Variants in GRAMD1C observed in about 807,000 individuals in gnomAD.
GRAMD1C encodes GRAM domain containing 1C, also known as protein Aster-C.
GRAMD1C carries 89 observed loss-of-function variants against 97.8 expected under a neutral mutation model. The ratio of observed to expected loss-of-function variants is 0.91; its 90% CI spans 0.77 to 1.09. The LOEUF is 1.09. Ranked by LOEUF, GRAMD1C falls within the 50% of genes least tolerant of loss-of-function variation. The pLI is 0.00. For missense variants in GRAMD1C, 740 were observed against 766.4 expected, an observed-to-expected ratio of 0.97 and a Z score of 0.41; for synonymous variants, 256 against 267.0, an observed-to-expected ratio of 0.96 and a Z score of 0.40.
At position 113,909,065 on chromosome 3, in the gene GRAMD1C, TA is replaced by T; in HGVS notation, c.902del (p.Asn301MetfsTer62). ...RVPSKSLDLNKNEYLSLDKSS... is the reference protein window; with the variant it reads ...RVPSKSLDLNXNEYLSLDKSS... ...TGCCATCAAAGTCACTGGACTTGAA[TA>T]AAAATGAATATCTTTCTCTGGACAA... is the stretch of plus-strand genomic sequence containing the variant. On this transcript the variant is annotated frameshift_variant, in exon 9 of 18. Coordinates refer to ENST00000358160, the MANE Select transcript of GRAMD1C (RefSeq NM_017577.5). LOFTEE classifies it high-confidence loss of function. The T allele has an allele frequency of 6.4e-7, 1 of 1,561,912 alleles. No homozygotes were observed. Among genetic ancestry groups the T allele is most frequent in the Non-Finnish European group, 8.7e-7 (1 of 1,153,490 alleles).
chr3:113,832,523 G>A (rs902249667), intron 1 of GRAMD1C, among the ~76,000 whole-genome samples: 1 of 151,992 alleles, frequency 6.6e-6, no homozygotes, highest in Non-Finnish European at 1.5e-5. Flanking sequence ...CATTTATATT[G>A]TGTAATGATC....
intron 5 of GRAMD1C, among the ~76,000 whole-genome samples, chr3:113,876,904 CAGGG>C (rs1309770446): frequency 6.6e-6 from 1 of 151,106 alleles, no homozygotes; most frequent in Admixed American, 6.6e-5. Flanking sequence ...GAAAAAGAGA[CAGGG>C]AGAGTTTTGG....
At chr3:113,923,491 G>A (rs1481025222) in intron 10 of GRAMD1C, among the ~76,000 whole-genome samples, 1 of 152,050 alleles carries the variant, frequency 6.6e-6, no homozygotes, top group East Asian at 1.9e-4. Flanking sequence ...ATGTTGAATT[G>A]TATTGAAAGC....
chr3:113,875,687 A>G (rs1281060139), intron 4 of GRAMD1C, 100 bp downstream of exon 4: 6 of 647,310 alleles, frequency 9.3e-6, no homozygotes, highest in Non-Finnish European at 1.7e-5. Flanking sequence ...AAGTAAATTT[A>G]TATATATTTG....
At chr3:113,931,720 C>T (rs1048705414) in intron 11 of GRAMD1C, among the ~76,000 whole-genome samples, 8 of 151,994 alleles carry the variant, frequency 5.3e-5, no homozygotes, top group Admixed American at 4.6e-4. Context: ...CTTGAGACCA[C>T]GAGTTTGAGA....
chr3:113,836,326 C>A (rs1458498183), upstream of GRAMD1C, among the ~76,000 whole-genome samples: 2 of 152,144 alleles, frequency 1.3e-5, no homozygotes, highest in Non-Finnish European at 2.9e-5. Context: ...TTTTGTGGAA[C>A]TGGATTCAAC....
In GRAMD1C at chr3:113,838,920, C is replaced by A. The variant is rs745706641; in HGVS notation, c.11C>A (p.Ala4Asp). 8.4e-7 allele frequency: 1 copy of A among 1,196,188 alleles called. No homozygotes were observed. Among genetic ancestry groups the A allele is most frequent in the Non-Finnish European group, 1.0e-6 (1 of 975,144 alleles). The allele number at this position is 1,196,188 out of a possible 1,614,324, so 74.1% of individuals were successfully genotyped here. Residue 4 changes from alanine (A) to aspartate (D), a missense_variant, in exon 1 of 18, where the codon GCT becomes GAT. Transcript: ENST00000358160. ...GCGGAGGGAGCCGCGATGGAGGGCG[C>A]TCCGACTGTCCGTCAGGTAAGCCGC... MEG[A>D]PTVRQVMNEG...
At chr3:113,893,628 G>A (rs1441842026) in intron 6 of GRAMD1C, among the ~76,000 whole-genome samples, 2 of 152,156 alleles carry the variant, frequency 1.3e-5, no homozygotes, top group Admixed American at 6.5e-5. Context: ...TATGTCCACT[G>A]ACAAGTTCAG....
At chr3:113,871,660 G>T (rs1332638464) in intron 3 of GRAMD1C, among the ~76,000 whole-genome samples, 12 of 151,222 alleles carry the variant, frequency 7.9e-5, no homozygotes, top group Admixed American at 7.9e-4. Flanking sequence ...CAGGAGAATG[G>T]TGTGAACCTG....
At chr3:113,927,510 C>T (rs566932169) in intron 10 of GRAMD1C, among the ~76,000 whole-genome samples, 7 of 152,166 alleles carry the variant, frequency 4.6e-5, no homozygotes, top group Non-Finnish European at 1.0e-4. Flanking sequence ...CTTCTCCCTC[C>T]TTGGGCATCA....
In GRAMD1C at chr3:113,934,432, A is replaced by C; in HGVS notation, c.1353A>C (p.Arg451Ser). 1.5e-6 allele frequency: 2 copies of C among 1,376,450 alleles called. No homozygotes were observed. Among genetic ancestry groups the C allele is most frequent in the Non-Finnish European group, 2.0e-6 (2 of 979,476 alleles). 85.3% of individuals were successfully genotyped at this position (1,376,450 alleles called of 1,614,324 possible). Residue 451 changes from arginine to serine, a missense_variant and splice_region_variant, in exon 13 of 18, where the codon AGA (arginine) becomes AGC (serine). Arg to Ser is a moderately radical substitution (Grantham distance 110). Coordinates refer to ENST00000358160, the MANE Select transcript of GRAMD1C (RefSeq NM_017577.5). ...TATTCTTTCCTTCTTATTCTACTAG[A>C]GTTTCCACAGATTTGAAATACAGAA... ...IRSSKQKCRL[R>S]VSTDLKYRKQ... is the part of the protein sequence containing the mutation.
At chr3:113,934,897 C>A (rs1309313064) in intron 13 of GRAMD1C, among the ~76,000 whole-genome samples, 4 of 152,078 alleles carry the variant, frequency 2.6e-5, no homozygotes, top group African/African-American at 7.2e-5. Flanking sequence ...GCGTGTGCCA[C>A]CACACCCGGC....
At chr3:113,862,711 C>T (rs147845025) in intron 2 of GRAMD1C, among the ~76,000 whole-genome samples, 1 of 152,250 alleles carries the variant, frequency 6.6e-6, no homozygotes, top group African/African-American at 2.4e-5. Flanking sequence ...TGATAAGTAT[C>T]CATGAAATCT....
At chr3:113,850,228 T>C in intron 2 of GRAMD1C, 2 of 569,398 alleles carry the variant, frequency 3.5e-6, no homozygotes, top group Non-Finnish European at 6.7e-6. Context: ...ATAATAATAC[T>C]CTCCAGTTTT....
chr3:113,844,709 A>G, intron 2 of GRAMD1C, 60 bp downstream of exon 2: 6 of 1,191,778 alleles, frequency 5.0e-6, no homozygotes, highest in Non-Finnish European at 7.2e-6. Flanking sequence ...TTAAATCTGC[A>G]AGGAGTCATA....
chr3:113,904,945 C>T (rs543973815), intron 8 of GRAMD1C, among the ~76,000 whole-genome samples: 10 of 152,292 alleles, frequency 6.6e-5, no homozygotes, highest in East Asian at 3.9e-4. Context: ...AACAATTCTC[C>T]GGCCTCAGCC....
At position 113,886,060 on chromosome 3, in the gene GRAMD1C, G is replaced by GT. The variant is rs1935463129; in HGVS notation, c.540+3229dup. On this transcript the variant is annotated intron_variant, in intron 6 of 17. Coordinates refer to ENST00000358160, the MANE Select transcript of GRAMD1C (RefSeq NM_017577.5). The stretch of plus-strand genomic sequence containing the variant: ...CTAATCCCCCTCCACTTGGGTTGGG[G>GT]TGGGGGGGCGGGGGGGAAAGGGATG... 2.7e-6 allele frequency: 4 copies of GT among 1,463,620 alleles called. No homozygotes were observed. In the Admixed American group the frequency reaches 8.1e-5, roughly 30 times the overall value. 90.7% of individuals were successfully genotyped at this position (1,463,620 alleles called of 1,614,324 possible). A position where few individuals can be genotyped will look rare whatever the true frequency, so the allele number is the denominator to read the frequency against.
upstream of GRAMD1C, among the ~76,000 whole-genome samples, chr3:113,836,329 G>C (rs183642549): frequency 1.2e-3 from 180 of 152,178 alleles, 3 homozygotes; most frequent in African/African-American, 4.1e-3. Flanking sequence ...TGTGGAACTG[G>C]ATTCAACTCC....
At chr3:113,881,533 A>C (rs993119095) in intron 5 of GRAMD1C, among the ~76,000 whole-genome samples, 6 of 152,236 alleles carry the variant, frequency 3.9e-5, no homozygotes, top group Non-Finnish European at 8.8e-5. Context: ...ATTTATGTAG[A>C]TTATCCAGAA....
Sources: gnomAD v4.1 joint callset for allele counts (sites outside exome capture counted in the v4.1 genomes callset) on GRCh38, gnomAD v4.1.1 for gene constraint, MANE v1.5 for transcripts, NCBI Gene and HGNC (gene_info 2026-07-23, HGNC 2026-07-21) for gene names.